Variants in AFG2A observed in about 807,000 individuals in gnomAD.
AFG2A encodes the protein ATPase family gene 2 protein homolog A.
chr4:123,259,079 CTGGTCTTGAACTCCTGACCTCAGG>C, the AFG2A span, among the ~76,000 whole-genome samples: 1 of 152,224 alleles, frequency 6.6e-6, no homozygotes, highest in East Asian at 1.9e-4. Context: ...ATTGGCCAGG[CTGGTCTTGAACTCCTGACCTCAGG>C]TGATCCGCCC....
the AFG2A span, among the ~76,000 whole-genome samples, chr4:123,227,451 C>T: frequency 6.6e-6 from 1 of 152,090 alleles, no homozygotes; most frequent in African/African-American, 2.4e-5. Context: ...TGTATTTCTG[C>T]CTTCATTTCA....
chr4:122,988,850 T>C, the AFG2A span, among the ~76,000 whole-genome samples: 1 of 152,182 alleles, frequency 6.6e-6, no homozygotes, highest in African/African-American at 2.4e-5. Context: ...ACAAGATAAT[T>C]TCAGAAGATC....
the AFG2A span, among the ~76,000 whole-genome samples, chr4:122,970,843 T>A: frequency 2.7e-5 from 4 of 150,002 alleles, no homozygotes; most frequent in Admixed American, 1.3e-4. Flanking sequence ...TAAAAAAAAA[T>A]TTTTTTTTGA....
the AFG2A span, among the ~76,000 whole-genome samples, chr4:123,233,568 T>G: frequency 6.6e-6 from 1 of 152,092 alleles, no homozygotes; most frequent in African/African-American, 2.4e-5. Context: ...GTATTTAGGT[T>G]GGAAATCATG....
At chr4:123,001,583 G>C in the AFG2A span, among the ~76,000 whole-genome samples, 1 of 151,446 alleles carries the variant, frequency 6.6e-6, no homozygotes, top group Admixed American at 6.6e-5. Context: ...TTCAGGAGCA[G>C]GTTGTTCAGT....
the AFG2A span, among the ~76,000 whole-genome samples, chr4:122,925,809 C>G: frequency 6.6e-6 from 1 of 152,208 alleles, no homozygotes; most frequent in Non-Finnish European, 1.5e-5. Flanking sequence ...AGGCTATAAA[C>G]TCTGTGAGAC....
the AFG2A span, among the ~76,000 whole-genome samples, chr4:123,122,934 T>C: frequency 6.6e-6 from 1 of 152,140 alleles, no homozygotes; most frequent in Non-Finnish European, 1.5e-5. Context: ...TTTATCAATT[T>C]TCCTTTCTGA....
the AFG2A span, among the ~76,000 whole-genome samples, chr4:123,044,769 C>CG: frequency 3.4e-5 from 5 of 148,716 alleles, no homozygotes; most frequent in Non-Finnish European, 7.4e-5. Context: ...CTGAGGATGT[C>CG]ATTTTTTTTT....
At chr4:123,237,281 G>C in the AFG2A span, among the ~76,000 whole-genome samples, 2 of 152,126 alleles carry the variant, frequency 1.3e-5, no homozygotes, top group African/African-American at 2.4e-5. Flanking sequence ...CCCTACAGAG[G>C]GGGGTACAGT....
chr4:123,057,340 A>G, the AFG2A span: 2 of 1,518,732 alleles, frequency 1.3e-6, no homozygotes, highest in Non-Finnish European at 1.8e-6. Context: ...ATGTTACATA[A>G]TAATAGCAAT....
At chr4:123,299,651 C>T in the AFG2A span, among the ~76,000 whole-genome samples, 134 of 152,198 alleles carry the variant, frequency 8.8e-4, 1 homozygote, top group Middle Eastern at 3.4e-3. Flanking sequence ...TCCAATGATA[C>T]TTTGTTTGTT....
the AFG2A span, chr4:122,934,289 T>C: frequency 6.2e-7 from 1 of 1,614,186 alleles, no homozygotes. Context: ...GAGTTATCCT[T>C]ACAGCTAAGC....
the AFG2A span, among the ~76,000 whole-genome samples, chr4:122,986,858 A>T: frequency 2.0e-5 from 3 of 152,282 alleles, no homozygotes; most frequent in African/African-American, 7.2e-5. Flanking sequence ...GTGCTCTTCA[A>T]GTCTGCTGTT....
At chr4:123,075,363 A>G in the AFG2A span, among the ~76,000 whole-genome samples, 4 of 151,362 alleles carry the variant, frequency 2.6e-5, no homozygotes, top group African/African-American at 9.7e-5. Context: ...GATTTACGCA[A>G]TCTTGGCTTA....
the AFG2A span, among the ~76,000 whole-genome samples, chr4:123,296,536 TA>T: frequency 6.6e-6 from 1 of 152,234 alleles, no homozygotes; most frequent in Non-Finnish European, 1.5e-5. Flanking sequence ...ATAAAAGTGT[TA>T]CAGTATATCT....
At chr4:123,151,530 A>G in the AFG2A span, among the ~76,000 whole-genome samples, 1 of 152,244 alleles carries the variant, frequency 6.6e-6, no homozygotes, top group Non-Finnish European at 1.5e-5. Flanking sequence ...CATAAGAAAA[A>G]AAGGTCATCA....
chr4:123,295,766 G>A, the AFG2A span, among the ~76,000 whole-genome samples: 1 of 152,202 alleles, frequency 6.6e-6, no homozygotes, highest in East Asian at 1.9e-4. Context: ...TACAAAATTA[G>A]CCAGGCATGG....
the AFG2A span, among the ~76,000 whole-genome samples, chr4:123,130,832 C>T: frequency 6.6e-6 from 1 of 152,066 alleles, no homozygotes; most frequent in Non-Finnish European, 1.5e-5. Flanking sequence ...ATATAAACTG[C>T]CCTATTACTT....
At chr4:123,077,357 C>A in the AFG2A span, among the ~76,000 whole-genome samples, 1 of 151,762 alleles carries the variant, frequency 6.6e-6, no homozygotes, top group Admixed American at 6.6e-5. Flanking sequence ...CCTTTTTTTC[C>A]TATCTTAAAA....
Sources: gnomAD v4.1 joint callset for allele counts (sites outside exome capture counted in the v4.1 genomes callset) on GRCh38, gnomAD v4.1.1 for gene constraint, MANE v1.5 for transcripts, NCBI Gene and HGNC (gene_info 2026-07-23, HGNC 2026-07-21) for gene names.